Variants in ACBD4 observed in about 807,000 individuals in gnomAD.
The protein encoded by ACBD4 is acyl-CoA binding domain containing 4.
Under a neutral mutation model 46.0 loss-of-function variants are expected in ACBD4, and 41 were observed. The observed-to-expected ratio is 0.89, with a 90% confidence interval of 0.69 to 1.16. The LOEUF is 1.16. ACBD4 is among the 50% of genes most tolerant of loss of function. The probability of loss-of-function intolerance (pLI) is 0.00; values close to 1 mark genes in which losing one functional copy is unlikely to be tolerated. For synonymous variants in ACBD4, 162 were observed against 155.9 expected (o/e 1.04, Z -0.29); for missense variants, 393 against 399.5 (o/e 0.98, Z 0.14).
chr17:45,138,061 C>T, intron 8 of ACBD4, 73 bp downstream of exon 8: 1 of 1,453,130 alleles, frequency 6.9e-7, no homozygotes, highest in East Asian at 2.4e-5. Context: ...TTTCTCTTGG[C>T]TGCCTTCCTA....
chr17:45,139,004 G>C lies in ACBD4; in HGVS notation c.650-17G>C, dbSNP rs776209925. The C allele has an allele frequency of 1.9e-6, 3 of 1,611,884 alleles. No homozygotes were observed. Among genetic ancestry groups the C allele is most frequent in the Non-Finnish European group, 2.5e-6 (3 of 1,179,888 alleles). Reference sequence around the variant, plus strand: ...TTGCCTCCTGAGCCCCCTTCCCTGTGTGTCTGTGCTCCGCAGAGGGGTTGC... The same window carrying C: ...TTGCCTCCTGAGCCCCCTTCCCTGTCTGTCTGTGCTCCGCAGAGGGGTTGC... On this transcript the variant is annotated splice_polypyrimidine_tract_variant and intron_variant, in intron 8 of 9. Transcript: ENST00000321854.
At chr17:45,140,109 C>T (rs977336136) in intron 9 of ACBD4, among the ~76,000 whole-genome samples, 8 of 151,920 alleles carry the variant, frequency 5.3e-5, no homozygotes, top group Middle Eastern at 3.2e-3. Context: ...CTCAGATCCA[C>T]GATGGCTAAC....
At position 45,136,773 on chromosome 17, in the gene ACBD4, G is replaced by A. The variant is rs1232181454; in HGVS notation, c.291G>A (p.Gln97=). 1.9e-5 allele frequency: 31 copies of A among 1,613,016 alleles called. No homozygotes were observed. Among genetic ancestry groups the A allele is most frequent in the Non-Finnish European group, 2.4e-5 (28 of 1,180,018 alleles). The change falls in exon 4 of 10, where the codon CAG becomes CAA. Residue 97 remains glutamine (Q), a synonymous_variant. Coordinates refer to ENST00000321854, the MANE Select transcript of ACBD4 (RefSeq NM_001135705.3). The part of the protein sequence containing the change: ...AYITEMKLVA[Q]KVIDTVPLGE... ...TCACTGAAATGAAACTGGTGGCACA[G>A]AAGGTAAGGGCTGCAGGTTCTCTGT...
Position 45,137,959 on chromosome 17 carries a change from G to A in ACBD4, c.620G>A (p.Arg207Lys). The change falls in exon 8 of 10, where the codon AGG becomes AAG. Residue 207 changes from arginine to lysine, a missense_variant. Physicochemically the swap from Arg to Lys is conservative, Grantham distance 26. This residue lies in a region of ACBD4 where 308 missense variants were observed against 301.8 expected (regional missense o/e 1.02). Coordinates refer to ENST00000321854, the MANE Select transcript of ACBD4 (RefSeq NM_001135705.3). ...RAASGGKRDP[R>K]NSPVPPTKKE... is the part of the protein sequence containing the mutation. ...GCATCTGGAGGAAAGCGTGATCCCA[G>A]GAACAGCCCCGTGCCCCCCACAAAG... 6.2e-7 allele frequency: 1 copy of A among 1,613,872 alleles called. No individual in the cohort carries two copies. Among genetic ancestry groups the A allele is most frequent in the East Asian group, 2.2e-5 (1 of 44,878 alleles).
At chr17:45,139,268 A>C in intron 9 of ACBD4, 108 bp downstream of exon 9, 6 of 1,123,370 alleles carry the variant, frequency 5.3e-6, no homozygotes, top group Non-Finnish European at 7.8e-6. Flanking sequence ...ACCTGCCCAC[A>C]TCTCTCTCCA....
At chr17:45,136,991 C>A (rs368699770) in intron 4 of ACBD4, 28 bp from the exon 5 acceptor site, 1 of 1,613,574 alleles carries the variant, frequency 6.2e-7, no homozygotes, top group Non-Finnish European at 8.5e-7. Context: ...GAGGCCACTC[C>A]GTCCCCAACA....
At chr17:45,142,510 T>C in intron 9 of ACBD4, 1 of 249,494 alleles carries the variant, frequency 4.0e-6, no homozygotes, top group Non-Finnish European at 8.1e-6. Context: ...CACTGTGGGC[T>C]CATGGATTTC....
Position 45,143,423 on chromosome 17 carries a change from T to C in ACBD4, c.790-20T>C, listed in dbSNP as rs2055416386. On this transcript the variant is annotated intron_variant, in intron 9 of 9. Transcript: ENST00000321854. ...GCTGAGGCCTGGACTGGCCTCTGAC[T>C]CCCTCCCTCTTGGCTGCAGAGGCCG... 6.3e-7 allele frequency: 1 copy of C among 1,592,266 alleles called. No homozygotes were observed. Among genetic ancestry groups the C allele is most frequent in the South Asian group, 1.1e-5 (1 of 89,428 alleles).
chr17:45,138,792 A>C lies in ACBD4; in HGVS notation c.650-229A>C, dbSNP rs35092048. Among the ~76,000 whole-genome samples the C allele has an allele frequency of 2.2e-4, 33 of 152,246 alleles. 1 individual carries two copies. Among genetic ancestry groups the C allele is most frequent in the African/African-American group, 7.7e-4 (32 of 41,546 alleles). Reference sequence around the variant, plus strand: ...GGCAACAGAGCAAGACTGTCTAAAAAAAAAAAAAAAAAGGTAATGACTTGA... The same window carrying C: ...GGCAACAGAGCAAGACTGTCTAAAACAAAAAAAAAAAAGGTAATGACTTGA... On this transcript the variant is annotated intron_variant, in intron 8 of 9. Coordinates refer to ENST00000321854, the MANE Select transcript of ACBD4 (RefSeq NM_001135705.3).
In ACBD4 at chr17:45,136,732, G is replaced by A. The variant is rs1370239858; in HGVS notation, c.250G>A (p.Ala84Thr). 2.5e-6 allele frequency: 4 copies of A among 1,613,894 alleles called. No individual in the cohort carries two copies. The highest frequency in any genetic ancestry group is 1.1e-5 in the South Asian group (1 of 91,062). Residue 84 changes from alanine to threonine, a missense_variant, in exon 4 of 10, where the codon GCC becomes ACC. Coordinates refer to ENST00000321854, the MANE Select transcript of ACBD4 (RefSeq NM_001135705.3). ...TCTGGGCAAGATGAGCAGGGAGGAG[G>A]CCATGTCTGCCTACATCACTGAAAT... is the stretch of plus-strand genomic sequence containing the variant. ...NSLGKMSREE[A>T]MSAYITEMKL...
chr17:45,135,495 G>C (rs1250325954), upstream of ACBD4: 1 of 152,356 alleles, frequency 6.6e-6, no homozygotes, highest in Non-Finnish European at 1.5e-5. Context: ...GCCATCCCGG[G>C]CTGGGAAGTC....
chr17:45,132,050 G>A (rs113306781), upstream of ACBD4, among the ~76,000 whole-genome samples: 718 of 152,308 alleles, frequency 4.7e-3, 3 homozygotes, highest in Non-Finnish European at 7.5e-3. This position sits in a 1 kb window ranked among gnomAD's most constrained non-coding sequence, Gnocchi z 4.6. Context: ...AGAACACCCT[G>A]GGCGCCCGGC....
At chr17:45,136,333 C>T (rs1472767093) in intron 2 of ACBD4, 101 bp downstream of exon 2, 14 of 1,537,686 alleles carry the variant, frequency 9.1e-6, no homozygotes, top group African/African-American at 2.7e-5. Flanking sequence ...TGCAGACAAG[C>T]CCCTGCCTGG....
chr17:45,143,532 C>G lies in ACBD4; in HGVS notation c.879C>G (p.Val293=). The G allele has an allele frequency of 3.5e-5, 57 of 1,614,078 alleles. No homozygotes were observed. Among genetic ancestry groups the G allele is most frequent in the Non-Finnish European group, 4.7e-5 (55 of 1,180,004 alleles). The change falls in exon 10 of 10, where the codon GTC becomes GTG. Residue 293 remains valine (V), a synonymous_variant. Coordinates refer to ENST00000321854, the MANE Select transcript of ACBD4 (RefSeq NM_001135705.3). ...TCTTCCTCCTGTGGCCCTTCGTCGT[C>G]CAGTGGCTCTTCCGAATGTTTCGGA... ...LLFFLLWPFV[V]QWLFRMFRTQ...
chr17:45,133,289 G>A (rs866135744), upstream of ACBD4: 1 of 152,226 alleles, frequency 6.6e-6, no homozygotes. Context: ...CGCGAAGTGG[G>A]GGACGTCCAG....
chr17:45,140,277 G>A (rs1181889901), intron 9 of ACBD4, among the ~76,000 whole-genome samples: 1 of 150,524 alleles, frequency 6.6e-6, no homozygotes, highest in Non-Finnish European at 1.5e-5. Flanking sequence ...TCCGCCTCCC[G>A]GGTTCAAGTG....
chr17:45,135,405 A>G (rs558091458), upstream of ACBD4: 1,320 of 151,880 alleles, frequency 8.7e-3, 10 homozygotes, highest in Non-Finnish European at 0.014. Flanking sequence ...ATCAGCGAAC[A>G]GATGCGGATT....
Position 45,139,173 on chromosome 17 carries a change from AC to A in ACBD4, c.789+17del. The A allele has an allele frequency of 1.2e-6, 2 of 1,612,374 alleles. No individual in the cohort carries two copies. The highest frequency in any genetic ancestry group is 1.7e-6 in the Non-Finnish European group (2 of 1,179,420). ...GCCCCCTGAGCAGGTAGAGTCCCCCACCCCATAGGACAAGATGATGGCAGAA... is the reference window on the plus strand; with the variant it reads ...GCCCCCTGAGCAGGTAGAGTCCCCCACCCATAGGACAAGATGATGGCAGAA... On this transcript the variant is annotated intron_variant, in intron 9 of 9. Transcript: ENST00000321854.
chr17:45,133,458 C>T (rs2054572753), upstream of ACBD4: 1 of 152,030 alleles, frequency 6.6e-6, no homozygotes, highest in African/African-American at 2.4e-5. Flanking sequence ...CTCAGATCTC[C>T]CAGGCCCAGA....
Sources: gnomAD v4.1 joint callset for allele counts (sites outside exome capture counted in the v4.1 genomes callset) on GRCh38, gnomAD v4.1.1 for gene constraint, gnomAD v4.1.1 regional missense constraint, Gnocchi (gnomAD v3.1) non-coding constraint, MANE v1.5 for transcripts, NCBI Gene and HGNC (gene_info 2026-07-23, HGNC 2026-07-21) for gene names.